ERBB4: variants seen among roughly 807,000 people sequenced by gnomAD.
ERBB4 encodes erb-b2 receptor tyrosine kinase 4, also known as receptor tyrosine-protein kinase erbB-4.
In ERBB4, 42 loss-of-function variants were observed where a neutral mutation model predicts 158.0. The observed-to-expected ratio is 0.27, with a 90% confidence interval of 0.21 to 0.34. The LOEUF is 0.34. ERBB4 is among the 10% of genes least tolerant of loss of function. The probability of loss-of-function intolerance (pLI) is 1.00; values close to 1 mark genes in which losing one functional copy is unlikely to be tolerated. For missense variants in ERBB4, 1,333 were observed against 1,624.1 expected (o/e 0.82, Z 3.08); for synonymous variants, 583 against 558.7 (o/e 1.04, Z -0.61).
At chr2:212,078,801 A>T (rs1181076997) in intron 2 of ERBB4, among the ~76,000 whole-genome samples, 1 of 151,402 alleles carries the variant, frequency 6.6e-6, no homozygotes, top group Non-Finnish European at 1.5e-5. Context: ...TAATATGAAA[A>T]GTAATTAATA....
chr2:211,548,696 T>C lies in ERBB4; in HGVS notation c.2487+13207A>G, dbSNP rs73985482. 6.6e-3 allele frequency among the ~76,000 whole-genome samples: 1,008 copies of C among 152,160 alleles called. 12 individuals carry two copies. The highest frequency in any genetic ancestry group is 0.023 in the African/African-American group (947 of 41,542). On this transcript the variant is annotated intron_variant, in intron 20 of 27. Coordinates refer to ENST00000342788, the MANE Select transcript of ERBB4 (RefSeq NM_005235.3). ...TTACCTGGACTCTGTCACCTGCTTA[T>C]GTTTCCGTTTCCCCATCTCCAACAC...
intron 1 of ERBB4, among the ~76,000 whole-genome samples, chr2:212,192,063 T>TAA (rs1559708086): frequency 1.8e-5 from 2 of 109,900 alleles, no homozygotes; most frequent in East Asian, 4.6e-4. Flanking sequence ...ATGTTATATA[T>TAA]GTTATATGTT....
intron 12 of ERBB4, among the ~76,000 whole-genome samples, chr2:211,697,038 T>G (rs1270587439): frequency 6.6e-6 from 1 of 152,160 alleles, no homozygotes; most frequent in Non-Finnish European, 1.5e-5. Flanking sequence ...CAGACAGGCA[T>G]TGGGTTCAAA....
chr2:212,430,191 T>C (rs997023508), intron 1 of ERBB4, among the ~76,000 whole-genome samples: 3 of 152,222 alleles, frequency 2.0e-5, no homozygotes, highest in Non-Finnish European at 4.4e-5. Flanking sequence ...TTGTGTTTTA[T>C]ATACATACAT....
At chr2:212,536,236 C>T (rs1397301481) in intron 1 of ERBB4, among the ~76,000 whole-genome samples, 1 of 151,998 alleles carries the variant, frequency 6.6e-6, no homozygotes, top group Non-Finnish European at 1.5e-5. Context: ...CACTCATACC[C>T]CAGACAGTAA....
At chr2:212,013,037 G>A (rs932587872) in intron 2 of ERBB4, among the ~76,000 whole-genome samples, 12 of 150,260 alleles carry the variant, frequency 8.0e-5, no homozygotes, top group Non-Finnish European at 1.8e-4. Flanking sequence ...GAGACACCAT[G>A]CCCAGCCAAG....
At chr2:211,602,340 A>T (rs1463484207) in intron 19 of ERBB4, among the ~76,000 whole-genome samples, 2 of 151,948 alleles carry the variant, frequency 1.3e-5, no homozygotes, top group East Asian at 3.9e-4. Flanking sequence ...CCCTCACACC[A>T]TCTGCACTCA....
chr2:211,571,035 C>T (rs2067709439), intron 19 of ERBB4, among the ~76,000 whole-genome samples: 1 of 81,216 alleles, frequency 1.2e-5, no homozygotes, highest in South Asian at 4.7e-4. Context: ...TCTGAGTACT[C>T]TTCTTCTTTT....
At chr2:212,373,950 T>TC (rs200040502) in intron 1 of ERBB4, among the ~76,000 whole-genome samples, 21,638 of 64,412 alleles carry the variant, frequency 0.34, 6,283 homozygotes, top group African/African-American at 0.54. Flanking sequence ...CATATATATA[T>TC]CATATATATA....
At chr2:211,400,776 C>CAT (rs145253415) in intron 25 of ERBB4, among the ~76,000 whole-genome samples, 2 of 151,350 alleles carry the variant, frequency 1.3e-5, no homozygotes, top group Non-Finnish European at 2.9e-5. Flanking sequence ...TAAATAAAAA[C>CAT]ATATAACTGG....
In ERBB4 at chr2:211,462,339, C is replaced by T. The variant is rs150340817; in HGVS notation, c.2488-31239G>A. 6.9e-3 allele frequency among the ~76,000 whole-genome samples: 1,051 copies of T among 152,196 alleles called. 12 individuals carry two copies. Among genetic ancestry groups the T allele is most frequent in the African/African-American group, 0.023 (975 of 41,534 alleles). ...GCCCCACTTCCAACATTGGGGATTA[C>T]AATTCGACATAAGATCTGGGCTGGG... On this transcript the variant is annotated intron_variant, in intron 20 of 27. Coordinates refer to ENST00000342788, the MANE Select transcript of ERBB4 (RefSeq NM_005235.3).
At chr2:211,597,856 T>G (rs887373074) in intron 19 of ERBB4, among the ~76,000 whole-genome samples, 1 of 152,166 alleles carries the variant, frequency 6.6e-6, no homozygotes, top group Non-Finnish European at 1.5e-5. Context: ...AAAATCAGCT[T>G]TTTAAGAGTA....
At chr2:212,286,545 T>C (rs1225056685) in intron 1 of ERBB4, among the ~76,000 whole-genome samples, 4 of 150,728 alleles carry the variant, frequency 2.7e-5, no homozygotes, top group African/African-American at 4.9e-5. Flanking sequence ...ATGGAGAAAA[T>C]GCATATTAAA....
In ERBB4 at chr2:211,399,407, A is replaced by G. The variant is rs140586358; in HGVS notation, c.3136-11415T>C. On this transcript the variant is annotated intron_variant, in intron 25 of 27. Coordinates refer to ENST00000342788, the MANE Select transcript of ERBB4 (RefSeq NM_005235.3). ...CCAAAGAGTGGCTCTATTGATGAAA[A>G]ATCTCAGTGACTCCATCAAGCCAGT... 2.9e-3 allele frequency among the ~76,000 whole-genome samples: 435 copies of G among 152,324 alleles called. 2 individuals carry two copies. Among genetic ancestry groups the G allele is most frequent in the African/African-American group, 0.01 (421 of 41,574 alleles).
At chr2:212,496,468 A>T (rs1690579126) in intron 1 of ERBB4, among the ~76,000 whole-genome samples, 2 of 152,328 alleles carry the variant, frequency 1.3e-5, no homozygotes, top group South Asian at 4.1e-4. Context: ...GTAGACTCTG[A>T]TAAAAACTTA....
At chr2:211,722,700 T>C (rs1345494072) in intron 6 of ERBB4, among the ~76,000 whole-genome samples, 166 bp from the exon 7 acceptor site, 1 of 152,268 alleles carries the variant, frequency 6.6e-6, no homozygotes, top group Non-Finnish European at 1.5e-5. Context: ...AAAACTCTTT[T>C]TTCCAGTATC....
intron 3 of ERBB4, among the ~76,000 whole-genome samples, chr2:211,857,672 A>T (rs996068535): frequency 3.9e-5 from 6 of 152,340 alleles, no homozygotes; most frequent in African/African-American, 1.4e-4. Flanking sequence ...CCTTTCAAAT[A>T]AATTATTTGC....
chr2:212,226,121 G>A (rs930478291), intron 1 of ERBB4, among the ~76,000 whole-genome samples: 5 of 152,116 alleles, frequency 3.3e-5, no homozygotes, highest in African/African-American at 1.2e-4. Context: ...CAGTCATGTT[G>A]TCAACTGTCT....
Position 212,174,959 on chromosome 2 carries a change from A to G in ERBB4, c.83-50056T>C, listed in dbSNP as rs143536270. ...ACCTAATTCATCCCAAACTACAGTT[A>G]TATCAAACTGGTCTGGTCTAACATT... On this transcript the variant is annotated intron_variant, in intron 1 of 27. Coordinates refer to ENST00000342788, the MANE Select transcript of ERBB4 (RefSeq NM_005235.3). Among the ~76,000 whole-genome samples, 40 of 152,176 alleles carry G rather than the reference A, an allele frequency of 2.6e-4. No homozygotes were observed. In the East Asian group the frequency reaches 7.6e-3, roughly 29 times the overall value.
Sources: allele counts gnomAD v4.1 joint callset (sites outside exome capture counted in the v4.1 genomes callset), GRCh38; gene constraint gnomAD v4.1.1; transcripts MANE v1.5; gene names NCBI Gene and HGNC (gene_info 2026-07-23, HGNC 2026-07-21).